The following FIGLA variants were observed in gnomAD, a reference collection of about 807,000 sequenced individuals.
FIGLA encodes folliculogenesis specific bHLH transcription factor, also known as factor in the germline alpha.
Under a neutral mutation model 21.5 loss-of-function variants are expected in FIGLA, and 17 were observed. The ratio of observed to expected loss-of-function variants is 0.79; its 90% CI spans 0.54 to 1.19. The LOEUF is 1.19. Among genes scored for constraint, FIGLA ranks in the 50% most tolerant of loss-of-function variants. The pLI, the probability that FIGLA is intolerant of heterozygous loss-of-function variation, is 0.00. For synonymous variants in FIGLA, 129 were observed against 117.6 expected, an observed-to-expected ratio of 1.10 and a Z score of -0.63; for missense variants, 282 against 285.0, an observed-to-expected ratio of 0.99 and a Z score of 0.08.
rs1675979768 is a variant in FIGLA, at chr2:70,787,642, C to T, written c.384+7G>A. Reference sequence around the variant, plus strand: ...GCTATCATTATTCTAAAATCTTACACCTTTACCTTTGAGTCTTTGGCTCCT... The same window carrying T: ...GCTATCATTATTCTAAAATCTTACATCTTTACCTTTGAGTCTTTGGCTCCT... On this transcript the variant is annotated splice_region_variant and intron_variant, in intron 2 of 4. Transcript: ENST00000332372. 11 of 1,555,782 alleles carry T rather than the reference C, an allele frequency of 7.1e-6. No individual in the cohort carries two copies. The highest frequency in any genetic ancestry group is 8.7e-6 in the Non-Finnish European group (10 of 1,149,242).
At chr2:70,783,346 A>C (rs1675891457) in intron 3 of FIGLA, among the ~76,000 whole-genome samples, 1 of 152,262 alleles carries the variant, frequency 6.6e-6, no homozygotes, top group Non-Finnish European at 1.5e-5. Context: ...CAGTCAGAAC[A>C]TCTCTGGCTT....
At chr2:70,781,864 C>A (rs1675862291) in intron 3 of FIGLA, among the ~76,000 whole-genome samples, 1 of 151,760 alleles carries the variant, frequency 6.6e-6, no homozygotes, top group Non-Finnish European at 1.5e-5. Context: ...AGTTCTGCAT[C>A]TGGATTGCAA....
intron 2 of FIGLA, among the ~76,000 whole-genome samples, chr2:70,786,321 G>T (rs1187801945): frequency 1.3e-5 from 2 of 150,888 alleles, no homozygotes; most frequent in Non-Finnish European, 3.0e-5. Flanking sequence ...TTTTTTTGGG[G>T]GGGGACAGAG....
chr2:70,778,976 T>C (rs1285596363), intron 3 of FIGLA, among the ~76,000 whole-genome samples: 5 of 152,226 alleles, frequency 3.3e-5, no homozygotes, highest in African/African-American at 4.8e-5. Context: ...GTTCAGTCCC[T>C]GTTCCTATGA....
chr2:70,777,515 C>T, intron 4 of FIGLA, 122 bp downstream of exon 4: 3 of 1,422,900 alleles, frequency 2.1e-6, no homozygotes, highest in Non-Finnish European at 2.9e-6. Flanking sequence ...TACTTTTTTA[C>T]CCATTAAGAT....
In FIGLA at chr2:70,787,707, C is replaced by T. The variant is rs1193354892; in HGVS notation, c.326G>A (p.Gly109Asp). The change falls in exon 2 of 5, where the codon GGT (glycine) becomes GAT (aspartate). Residue 109 changes from glycine to aspartate, a missense_variant. Coordinates refer to ENST00000332372, the MANE Select transcript of FIGLA (RefSeq NM_001004311.3). ...GAGAACCTGTATATATTCAGTCGCA[C>T]CTTTAAGGATATCAACTTTGCTGGG... ...RKPSKVDILK[G>D]ATEYIQVLSD... The T allele has an allele frequency of 1.9e-6, 3 of 1,607,600 alleles. No homozygotes were observed. The highest frequency in any genetic ancestry group is 4.5e-5 in the East Asian group (2 of 44,828).
intron 2 of FIGLA, among the ~76,000 whole-genome samples, 174 bp from the exon 3 acceptor site, chr2:70,785,813 T>C (rs1313046125): frequency 6.6e-6 from 1 of 152,224 alleles, no homozygotes; most frequent in Non-Finnish European, 1.5e-5. Flanking sequence ...TGTTCTCCTA[T>C]CATCTTAAAA....
At chr2:70,783,271 A>G (rs1553389383) in intron 3 of FIGLA, among the ~76,000 whole-genome samples, 1 of 152,160 alleles carries the variant, frequency 6.6e-6, no homozygotes, top group African/African-American at 2.4e-5. Context: ...TCCAATTAAC[A>G]ACAAACTTGG....
chr2:70,782,178 T>A (rs1465833429), intron 3 of FIGLA, among the ~76,000 whole-genome samples: 4 of 152,180 alleles, frequency 2.6e-5, no homozygotes, highest in Non-Finnish European at 5.9e-5. Flanking sequence ...AGAAAAAGAT[T>A]AAAGTGAAAG....
chr2:70,789,399 T>C (rs1420339745), intron 1 of FIGLA, among the ~76,000 whole-genome samples: 2 of 152,192 alleles, frequency 1.3e-5, no homozygotes, highest in African/African-American at 4.8e-5. Flanking sequence ...CCACTTAAAC[T>C]ATTAGATCAT....
In FIGLA at chr2:70,777,675, CA is replaced by C; in HGVS notation, c.610-5del. 1 of 1,396,954 alleles carries C rather than the reference CA, an allele frequency of 7.2e-7. No individual in the cohort carries two copies. 86.5% of individuals were successfully genotyped at this position (1,396,954 alleles called of 1,614,324 possible). A position where few individuals can be genotyped will look rare whatever the true frequency, so the allele number is the denominator to read the frequency against. On this transcript the variant is annotated splice_polypyrimidine_tract_variant and splice_region_variant and intron_variant, in intron 3 of 4. Coordinates refer to ENST00000332372, the MANE Select transcript of FIGLA (RefSeq NM_001004311.3). Reference sequence around the variant, plus strand: ...GTTCTACTTCTGGGAATCTATCCTGCAAAAACAATACAAAATACAGAAAGGG... The same window carrying C: ...GTTCTACTTCTGGGAATCTATCCTGCAAAACAATACAAAATACAGAAAGGG...
chr2:70,790,055 A>C (rs1425444810), intron 1 of FIGLA, among the ~76,000 whole-genome samples: 2 of 152,184 alleles, frequency 1.3e-5, no homozygotes, highest in African/African-American at 4.8e-5. Flanking sequence ...CTACGGTGTG[A>C]GATGAAGGCG....
In FIGLA at chr2:70,785,480, G is replaced by A; in HGVS notation, c.544C>T (p.Pro182Ser). The A allele has an allele frequency of 6.2e-7, 1 of 1,613,988 alleles. No individual in the cohort carries two copies. Among genetic ancestry groups the A allele is most frequent in the Non-Finnish European group, 8.5e-7 (1 of 1,179,890 alleles). ...ACACTGTGGCGACAAGCGTGTGCTG[G>A]CTCACCACTGCCACCATCTGCCCAA... The part of the protein sequence containing the change: ...GPWADGGSGE[P>S]AHACRHSVMS... Residue 182 changes from proline to serine, a missense_variant, in exon 3 of 5, where the codon CCA becomes TCA. Pro to Ser is a moderately conservative substitution (Grantham distance 74). Coordinates refer to ENST00000332372, the MANE Select transcript of FIGLA (RefSeq NM_001004311.3).
intron 3 of FIGLA, among the ~76,000 whole-genome samples, chr2:70,782,516 G>A (rs1426649164): frequency 3.3e-5 from 5 of 152,216 alleles, no homozygotes; most frequent in African/African-American, 9.6e-5. Flanking sequence ...TGCTAGAAGA[G>A]ACATTATTGA....
chr2:70,778,656 C>T (rs963421651), intron 3 of FIGLA, among the ~76,000 whole-genome samples: 13 of 152,024 alleles, frequency 8.6e-5, no homozygotes, highest in Admixed American at 2.6e-4. Flanking sequence ...ATTTCAGAAA[C>T]GTAATATTTA....
intron 3 of FIGLA, among the ~76,000 whole-genome samples, chr2:70,777,900 A>G (rs1675789579): frequency 6.6e-6 from 1 of 152,206 alleles, no homozygotes; most frequent in South Asian, 2.1e-4. Context: ...GAAGGATTTT[A>G]GTGTATTTCC....
At chr2:70,786,757 C>A (rs1675964376) in intron 2 of FIGLA, among the ~76,000 whole-genome samples, 1 of 152,112 alleles carries the variant, frequency 6.6e-6, no homozygotes, top group Non-Finnish European at 1.5e-5. Context: ...GTGCTTCCCC[C>A]AGTCCTGGCC....
At chr2:70,780,509 G>C (rs1160877934) in intron 3 of FIGLA, among the ~76,000 whole-genome samples, 1 of 152,132 alleles carries the variant, frequency 6.6e-6, no homozygotes, top group African/African-American at 2.4e-5. Context: ...GTCAAATAAA[G>C]GTCAGCCTGA....
At position 70,787,751 on chromosome 2, in the gene FIGLA, A is replaced by T. The variant is rs1212701544; in HGVS notation, c.282T>A (p.Phe94Leu). ...GFARLKALVP[F>L]LPQSRKPSKV... is the part of the protein sequence containing the mutation. ...TGCTGGGCTTCCTGCTTTGGGGAAG[A>T]AATGGCACAAGTGCCTTCAATCTGG... Residue 94 changes from phenylalanine to leucine, a missense_variant, in exon 2 of 5, where the codon TTT becomes TTA. Coordinates refer to ENST00000332372, the MANE Select transcript of FIGLA (RefSeq NM_001004311.3). 6.2e-7 allele frequency: 1 copy of T among 1,613,042 alleles called. No individual in the cohort carries two copies. Among genetic ancestry groups the T allele is most frequent in the African/African-American group, 1.3e-5 (1 of 74,932 alleles).
Sources: allele counts gnomAD v4.1 joint callset (sites outside exome capture counted in the v4.1 genomes callset), GRCh38; gene constraint gnomAD v4.1.1; transcripts MANE v1.5; gene names NCBI Gene and HGNC (gene_info 2026-07-23, HGNC 2026-07-21).